The following RAB7A variants were observed in gnomAD, a reference collection of about 807,000 sequenced individuals.
The protein encoded by RAB7A is ras-related protein Rab-7a.
In RAB7A, 2 loss-of-function variants were observed where a neutral mutation model predicts 24.5. The observed-to-expected ratio is 0.08, with a 90% CI of 0.03 to 0.26. The LOEUF is 0.26. RAB7A is among the 10% of genes least tolerant of loss of function. The pLI is 1.00. For missense variants in RAB7A, 118 were observed against 255.7 expected (o/e 0.46, Z 3.67); for synonymous variants, 100 against 95.9 (o/e 1.04, Z -0.25).
intron 1 of RAB7A, among the ~76,000 whole-genome samples, chr3:128,769,612 C>CT (rs750717787): frequency 2.6e-5 from 4 of 152,176 alleles, no homozygotes; most frequent in Non-Finnish European, 4.4e-5. Flanking sequence ...TTTGGAAGAG[C>CT]AGAAGCTCTT....
At chr3:128,767,492 A>G (rs1016703206) in intron 1 of RAB7A, among the ~76,000 whole-genome samples, 4 of 152,206 alleles carry the variant, frequency 2.6e-5, no homozygotes, top group Non-Finnish European at 4.4e-5. Context: ...ATTAGGAGTC[A>G]AGAAGTAATG....
intron 1 of RAB7A, among the ~76,000 whole-genome samples, chr3:128,768,969 C>CCTT (rs1553719523): frequency 1.4e-5 from 1 of 72,606 alleles, no homozygotes; most frequent in East Asian, 5.0e-4. Flanking sequence ...TCTTTCTTTC[C>CCTT]TTTTTTTTTT....
intron 3 of RAB7A, among the ~76,000 whole-genome samples, chr3:128,805,979 A>G (rs1363444086): frequency 6.6e-6 from 1 of 152,132 alleles, no homozygotes; most frequent in Non-Finnish European, 1.5e-5. Flanking sequence ...TCACTTCCCT[A>G]TTGAACTGTA....
At position 128,752,425 on chromosome 3, in the gene RAB7A, TAAG is replaced by T. The variant is rs375871521; in HGVS notation, c.-9+26069_-9+26071del. On this transcript the variant is annotated intron_variant, in intron 1 of 5. Coordinates refer to ENST00000265062, the MANE Select transcript of RAB7A (RefSeq NM_004637.6). ...ATGAGAAAATAAAAAGAAAAAATAA[TAAG>T]AAAAAGGAAATAAAAAAATGACAAA... is the stretch of plus-strand genomic sequence containing the variant. 8.9e-3 allele frequency among the ~76,000 whole-genome samples: 1,318 copies of T among 147,270 alleles called. 8 individuals are homozygous for T. The highest frequency in any genetic ancestry group is 0.014 in the Non-Finnish European group (942 of 66,132).
intron 1 of RAB7A, among the ~76,000 whole-genome samples, chr3:128,760,736 C>G (rs1260440998): frequency 6.6e-6 from 1 of 152,216 alleles, no homozygotes; most frequent in Non-Finnish European, 1.5e-5. Flanking sequence ...AAAACAGCCT[C>G]TAGCTTAAAC....
intron 1 of RAB7A, among the ~76,000 whole-genome samples, chr3:128,780,009 T>G (rs759963243): frequency 1.3e-5 from 2 of 152,074 alleles, no homozygotes; most frequent in Non-Finnish European, 1.5e-5. Context: ...GAGTGCAGAG[T>G]GAAGTCATGG....
chr3:128,796,105 C>T (rs1933569661), intron 2 of RAB7A, among the ~76,000 whole-genome samples: 1 of 152,104 alleles, frequency 6.6e-6, no homozygotes, highest in Non-Finnish European at 1.5e-5. Context: ...GTGCCTGCTT[C>T]AGATCTATCT....
chr3:128,811,814 AC>A, intron 5 of RAB7A, among the ~76,000 whole-genome samples: 1 of 151,528 alleles, frequency 6.6e-6, no homozygotes, highest in South Asian at 2.1e-4. Flanking sequence ...ATGCCATTGC[AC>A]TCCAGCCTGG....
chr3:128,753,412 C>T (rs1022147228), intron 1 of RAB7A, among the ~76,000 whole-genome samples: 1 of 152,038 alleles, frequency 6.6e-6, no homozygotes, highest in Non-Finnish European at 1.5e-5. Context: ...GAACTGTATA[C>T]TTAAAAATGA....
chr3:128,798,355 T>C (rs1933618892), intron 3 of RAB7A: 4 of 369,748 alleles, frequency 1.1e-5, no homozygotes, highest in Non-Finnish European at 2.0e-5. Context: ...TTGGTTTTGT[T>C]GTTTGCTAAA....
At chr3:128,734,673 A>G (rs1576266680) in intron 1 of RAB7A, among the ~76,000 whole-genome samples, 1 of 151,926 alleles carries the variant, frequency 6.6e-6, no homozygotes, top group Non-Finnish European at 1.5e-5. Flanking sequence ...TTTTTTGGTC[A>G]GACACTTGAG....
intron 1 of RAB7A, among the ~76,000 whole-genome samples, chr3:128,776,174 G>A (rs897171300): frequency 2.6e-5 from 4 of 152,114 alleles, no homozygotes; most frequent in Non-Finnish European, 5.9e-5. Flanking sequence ...TTCACTAAAT[G>A]TAATGTTCTC....
chr3:128,759,458 A>C (rs2070759083), intron 1 of RAB7A, among the ~76,000 whole-genome samples: 1 of 152,186 alleles, frequency 6.6e-6, no homozygotes, highest in African/African-American at 2.4e-5. Context: ...AGGCAGGTGG[A>C]CGTCTATTCT....
chr3:128,743,015 C>T (rs1290447445), intron 1 of RAB7A, among the ~76,000 whole-genome samples: 4 of 152,160 alleles, frequency 2.6e-5, no homozygotes, highest in Non-Finnish European at 5.9e-5. Flanking sequence ...TCACGGGAGC[C>T]CACCGCAGGA....
chr3:128,734,034 A>G (rs1360913919), intron 1 of RAB7A, among the ~76,000 whole-genome samples: 1 of 152,122 alleles, frequency 6.6e-6, no homozygotes, highest in Non-Finnish European at 1.5e-5. Flanking sequence ...TTTACTCACC[A>G]GTGTAGGGGA....
At chr3:128,756,434 A>G (rs1271199980) in intron 1 of RAB7A, among the ~76,000 whole-genome samples, 8 of 152,216 alleles carry the variant, frequency 5.3e-5, no homozygotes, top group East Asian at 1.9e-4. Context: ...AATATCATGG[A>G]AAAGAATAAA....
chr3:128,731,254 A>C (rs1344577584), intron 1 of RAB7A, among the ~76,000 whole-genome samples: 1 of 152,200 alleles, frequency 6.6e-6, no homozygotes, highest in Non-Finnish European at 1.5e-5. Context: ...CAAAGCTGCT[A>C]TGAATTAACC....
chr3:128,780,491 C>G (rs1166844744), intron 1 of RAB7A, among the ~76,000 whole-genome samples: 1 of 152,134 alleles, frequency 6.6e-6, no homozygotes. Context: ...TACTTACCAG[C>G]TTATAGAGAA....
At chr3:128,811,647 T>A (rs2107617778) in intron 5 of RAB7A, among the ~76,000 whole-genome samples, 1 of 152,134 alleles carries the variant, frequency 6.6e-6, no homozygotes, top group South Asian at 2.1e-4. Flanking sequence ...ACCAGGAGTT[T>A]GAGACCATCT....
Sources: allele counts gnomAD v4.1 joint callset (sites outside exome capture counted in the v4.1 genomes callset), GRCh38; gene constraint gnomAD v4.1.1; transcripts MANE v1.5; gene names NCBI Gene and HGNC (gene_info 2026-07-23, HGNC 2026-07-21).